MKLN1: variants seen among roughly 807,000 people sequenced by gnomAD.
MKLN1 encodes the protein muskelin 1.
In MKLN1, 18 loss-of-function variants were observed where a neutral mutation model predicts 99.0. That is an observed-to-expected ratio of 0.18 (90% confidence interval 0.13 to 0.27). The LOEUF (loss-of-function observed/expected upper bound fraction) is 0.27, where lower values mean the gene tolerates loss of function less well. Ranked by LOEUF, MKLN1 falls within the 10% of genes least tolerant of loss-of-function variation. The pLI is 1.00. For missense variants in MKLN1, 621 were observed against 875.9 expected, an observed-to-expected ratio of 0.71 and a Z score of 3.67; for synonymous variants, 288 against 293.2, an observed-to-expected ratio of 0.98 and a Z score of 0.18.
At chr7:131,460,619 TTC>T (rs1216400805) in intron 12 of MKLN1, among the ~76,000 whole-genome samples, 1 of 152,230 alleles carries the variant, frequency 6.6e-6, no homozygotes, top group Non-Finnish European at 1.5e-5. Context: ...AATCTACTTC[TTC>T]TCTTTGTATC....
chr7:131,435,547 A>G (rs1584739954), intron 9 of MKLN1, among the ~76,000 whole-genome samples: 1 of 149,792 alleles, frequency 6.7e-6, no homozygotes, highest in Non-Finnish European at 1.5e-5. Flanking sequence ...CAGTGTAGAT[A>G]TGTGGGCAAT....
chr7:131,349,490 G>A (rs755419086), intron 1 of MKLN1, among the ~76,000 whole-genome samples: 14 of 152,194 alleles, frequency 9.2e-5, no homozygotes, highest in Non-Finnish European at 1.9e-4. Context: ...CGCCGCACCC[G>A]GCCTTAAATC....
intron 3 of MKLN1, among the ~76,000 whole-genome samples, chr7:131,204,654 A>AC (rs1184132471): frequency 6.9e-6 from 1 of 145,074 alleles, no homozygotes; most frequent in East Asian, 2.0e-4. Context: ...ACATGGTGGA[A>AC]CCCCGTCTCT....
intron 4 of MKLN1, among the ~76,000 whole-genome samples, chr7:131,390,960 A>G (rs1430755189): frequency 1.3e-5 from 2 of 152,082 alleles, no homozygotes; most frequent in Non-Finnish European, 2.9e-5. Context: ...TCTATTTAGG[A>G]TATTAATATA....
chr7:131,191,724 T>A (rs1796544487), intron 2 of MKLN1, among the ~76,000 whole-genome samples: 1 of 150,926 alleles, frequency 6.6e-6, no homozygotes, highest in Admixed American at 6.6e-5. Flanking sequence ...TTCCTTTTTT[T>A]TTTTTTTGAG....
chr7:131,164,168 G>A (rs1157919000), intron 2 of MKLN1, among the ~76,000 whole-genome samples: 1 of 152,170 alleles, frequency 6.6e-6, no homozygotes. Flanking sequence ...CTGGAGTGCA[G>A]TGGCAAGATC....
chr7:131,171,491 T>C (rs567467198), intron 2 of MKLN1, among the ~76,000 whole-genome samples: 59 of 152,264 alleles, frequency 3.9e-4, no homozygotes, highest in African/African-American at 1.4e-3. Flanking sequence ...GTGTTTCGCT[T>C]TTGTAGCCAA....
At chr7:131,392,232 G>C (rs1794215752) in intron 4 of MKLN1, among the ~76,000 whole-genome samples, 1 of 152,162 alleles carries the variant, frequency 6.6e-6, no homozygotes, top group Non-Finnish European at 1.5e-5. Context: ...TTCAGGGGGA[G>C]TCTTGGTTTT....
intron 2 of MKLN1, among the ~76,000 whole-genome samples, chr7:131,201,406 A>C (rs1426446785): frequency 6.6e-6 from 1 of 152,238 alleles, no homozygotes; most frequent in Non-Finnish European, 1.5e-5. Context: ...GAATTAGTGA[A>C]AATTTTGAAT....
At chr7:131,278,029 C>G (rs957919609) in intron 3 of MKLN1, among the ~76,000 whole-genome samples, 4 of 151,660 alleles carry the variant, frequency 2.6e-5, no homozygotes, top group African/African-American at 4.8e-5. Context: ...CCTCCTTTTC[C>G]TCCTTTATTT....
chr7:131,362,929 A>T (rs1800073473), intron 1 of MKLN1, among the ~76,000 whole-genome samples: 1 of 151,846 alleles, frequency 6.6e-6, no homozygotes, highest in African/African-American at 2.4e-5. Context: ...TTTAATTTTG[A>T]ATTATTGCTT....
Position 131,492,182 on chromosome 7 carries a change from TATC to T in MKLN1, c.*4459_*4461del, listed in dbSNP as rs1439503863. The T allele has an allele frequency of 1.3e-5, 2 of 152,198 alleles. No homozygotes were observed. The highest frequency in any genetic ancestry group is 2.9e-5 in the Non-Finnish European group (2 of 68,034). The allele number at this position is 152,198 out of a possible 1,614,324, so 9.4% of individuals were successfully genotyped here. ...GATAGCAGAGTTCCTGAATTCAGCATATCATCAGAATTTCCATTTACCTTTTGT... is the reference window on the plus strand; with the variant it reads ...GATAGCAGAGTTCCTGAATTCAGCATATCAGAATTTCCATTTACCTTTTGT... On this transcript the variant is annotated 3_prime_UTR_variant, in exon 18 of 18. Transcript: ENST00000352689.
intron 17 of MKLN1, among the ~76,000 whole-genome samples, chr7:131,480,877 C>G (rs977489332): frequency 9.2e-5 from 14 of 152,236 alleles, no homozygotes; most frequent in Non-Finnish European, 4.4e-5. Flanking sequence ...CTATCTCTAA[C>G]TGACTTATTT....
chr7:131,231,456 G>C (rs566456142), intron 3 of MKLN1, among the ~76,000 whole-genome samples: 1 of 152,222 alleles, frequency 6.6e-6, no homozygotes, highest in South Asian at 2.1e-4. Flanking sequence ...GGGCTTCCTT[G>C]GAAGCAGCAG....
intron 12 of MKLN1, among the ~76,000 whole-genome samples, chr7:131,461,158 C>A (rs2116599869): frequency 6.6e-6 from 1 of 151,856 alleles, no homozygotes; most frequent in Non-Finnish European, 1.5e-5. Flanking sequence ...ATACCTGATA[C>A]AATGTAAATA....
intron 1 of MKLN1, among the ~76,000 whole-genome samples, chr7:131,330,104 C>T (rs1019606455): frequency 2.0e-5 from 3 of 152,158 alleles, no homozygotes; most frequent in African/African-American, 7.2e-5. Flanking sequence ...AATTATAAAA[C>T]TCTTGGCTCT....
rs753360557 is a variant in MKLN1 at position 131,464,400 on chromosome 7, C to T, written c.1780C>T (p.Leu594=). The T allele has an allele frequency of 6.2e-7, 1 of 1,602,414 alleles. No homozygotes were observed. Among genetic ancestry groups the T allele is most frequent in the Admixed American group, 1.7e-5 (1 of 59,990 alleles). Residue 594 remains leucine (L), a synonymous_variant, in exon 14 of 18, where the codon CTA becomes TTA. Coordinates refer to ENST00000352689, the MANE Select transcript of MKLN1 (RefSeq NM_013255.5). The part of the protein sequence containing the change: ...RFAHQLVYDE[L]HKVHYLFGGN... ...TGCCCATCAGCTTGTATACGATGAGCTACACAAGGTATCCTAACTACATTG... is the reference window on the plus strand; with the variant it reads ...TGCCCATCAGCTTGTATACGATGAGTTACACAAGGTATCCTAACTACATTG...
intron 2 of MKLN1, among the ~76,000 whole-genome samples, chr7:131,193,496 A>G (rs942954810): frequency 2.0e-5 from 3 of 151,988 alleles, no homozygotes; most frequent in African/African-American, 7.3e-5. Flanking sequence ...CTCCTGGAGT[A>G]GCTGGGACTA....
At chr7:131,306,702 A>G (rs1367612848) in intron 3 of MKLN1, among the ~76,000 whole-genome samples, 1 of 152,262 alleles carries the variant, frequency 6.6e-6, no homozygotes, top group East Asian at 1.9e-4. Context: ...ATATGCATTC[A>G]CAAAGAGATG....
Sources: gnomAD v4.1 joint callset for allele counts (sites outside exome capture counted in the v4.1 genomes callset) on GRCh38, gnomAD v4.1.1 for gene constraint, MANE v1.5 for transcripts, NCBI Gene and HGNC (gene_info 2026-07-23, HGNC 2026-07-21) for gene names.